NOL4: variants seen among roughly 807,000 people sequenced by gnomAD.
The protein encoded by NOL4 is cancer/testis antigen 125.
Under a neutral mutation model 75.9 loss-of-function variants are expected in NOL4, and 17 were observed. That is an observed-to-expected ratio of 0.22 (90% confidence interval 0.15 to 0.34). NOL4 has a LOEUF of 0.34. Among genes scored for constraint, NOL4 ranks in the 10% least tolerant of loss-of-function variants. NOL4 has a pLI of 1.00. For missense variants in NOL4, 614 were observed against 793.5 expected (o/e 0.77, Z 2.72); for synonymous variants, 292 against 289.9 (o/e 1.01, Z -0.07).
chr18:34,111,145 T>C (rs2079568418), intron 2 of NOL4, among the ~76,000 whole-genome samples: 1 of 152,080 alleles, frequency 6.6e-6, no homozygotes, highest in South Asian at 2.1e-4. Flanking sequence ...TATACAAAAA[T>C]AAACTTAAAA....
chr18:34,059,122 CATATATATATATATAT>C (rs55773398), intron 5 of NOL4, among the ~76,000 whole-genome samples: 14,033 of 118,210 alleles, frequency 0.12, 865 homozygotes, highest in Middle Eastern at 0.16. Flanking sequence ...GATAGATATA[CATATATATATATATAT>C]ATATATATAT....
chr18:33,880,217 C>T (rs2144633490), intron 10 of NOL4, among the ~76,000 whole-genome samples: 1 of 151,766 alleles, frequency 6.6e-6, no homozygotes, highest in East Asian at 1.9e-4. Context: ...TATATATTGA[C>T]CTGCTAATTC....
At chr18:33,943,576 G>A (rs963430804) in intron 8 of NOL4, among the ~76,000 whole-genome samples, 4 of 151,748 alleles carry the variant, frequency 2.6e-5, no homozygotes, top group Admixed American at 2.0e-4. Flanking sequence ...GGCTAAAATA[G>A]AGTTTAAAAA....
intron 10 of NOL4, among the ~76,000 whole-genome samples, chr18:33,862,560 A>C (rs1055402472): frequency 6.6e-6 from 1 of 152,188 alleles, no homozygotes; most frequent in African/African-American, 2.4e-5. Flanking sequence ...CAATGAACTT[A>C]AACAAATTTA....
chr18:33,890,812 A>G (rs1430713823), intron 9 of NOL4, among the ~76,000 whole-genome samples: 1 of 152,058 alleles, frequency 6.6e-6, no homozygotes, highest in Non-Finnish European at 1.5e-5. Context: ...GTAAATAATC[A>G]CATTATTATA....
At chr18:34,000,856 A>G (rs1157899489) in intron 6 of NOL4, among the ~76,000 whole-genome samples, 1 of 152,184 alleles carries the variant, frequency 6.6e-6, no homozygotes, top group Non-Finnish European at 1.5e-5. Flanking sequence ...ACTCAGAAGT[A>G]CTGAATAATG....
intron 9 of NOL4, among the ~76,000 whole-genome samples, chr18:33,935,517 G>A (rs952293693): frequency 2.6e-5 from 4 of 151,986 alleles, no homozygotes; most frequent in African/African-American, 9.7e-5. Flanking sequence ...GGTTCACGGT[G>A]TCCCAAAATA....
chr18:34,054,457 T>G (rs1345556116), intron 5 of NOL4, among the ~76,000 whole-genome samples: 2 of 151,952 alleles, frequency 1.3e-5, no homozygotes, highest in Admixed American at 1.3e-4. Context: ...TTATGTGATA[T>G]TATTATTTGT....
At chr18:34,138,555 T>G (rs1600701426) in intron 1 of NOL4, among the ~76,000 whole-genome samples, 2 of 152,194 alleles carry the variant, frequency 1.3e-5, no homozygotes, top group Admixed American at 6.5e-5. Flanking sequence ...TACAACGTTC[T>G]GAACACACTA....
In NOL4 at chr18:33,883,338, G is replaced by T; in HGVS notation, c.1629C>A (p.Asp543Glu). The T allele has an allele frequency of 6.2e-7, 1 of 1,613,148 alleles. No individual in the cohort carries two copies. Among genetic ancestry groups the T allele is most frequent in the Non-Finnish European group, 8.5e-7 (1 of 1,179,422 alleles). ...TCCCATTTCCATTGATGTACAGCAC[G>T]TCCTGTGAGCCTGGAACAGCTGATG... The part of the protein sequence containing the change: ...YSTSAVPGSQ[D>E]VLYINGNGTY... The change falls in exon 10 of 11, where the codon GAC (aspartate) becomes GAA (glutamate). Residue 543 changes from aspartate (D) to glutamate (E), a missense_variant. Coordinates refer to ENST00000261592, the MANE Select transcript of NOL4 (RefSeq NM_003787.5).
At chr18:34,018,562 T>C (rs1301021491) in intron 6 of NOL4, among the ~76,000 whole-genome samples, 1 of 152,076 alleles carries the variant, frequency 6.6e-6, no homozygotes, top group Non-Finnish European at 1.5e-5. Flanking sequence ...AAAAGGTATA[T>C]TCCATAAAAA....
intron 2 of NOL4, among the ~76,000 whole-genome samples, chr18:34,124,336 T>A (rs2080285921): frequency 6.6e-6 from 1 of 152,210 alleles, no homozygotes; most frequent in South Asian, 2.1e-4. Context: ...CACACAGTAT[T>A]TTTATATTCT....
At chr18:33,984,781 T>C (rs988443656) in intron 6 of NOL4, among the ~76,000 whole-genome samples, 2 of 152,120 alleles carry the variant, frequency 1.3e-5, no homozygotes, top group South Asian at 2.1e-4. Context: ...AGTACAAGAA[T>C]AGACTAATAC....
chr18:34,171,961 A>G (rs2146269858), intron 1 of NOL4, among the ~76,000 whole-genome samples: 1 of 152,244 alleles, frequency 6.6e-6, no homozygotes, highest in African/African-American at 2.4e-5. Flanking sequence ...CAAAACTCCA[A>G]TACAATACCC....
intron 10 of NOL4, among the ~76,000 whole-genome samples, chr18:33,866,718 T>A (rs1888310829): frequency 6.6e-6 from 1 of 152,134 alleles, no homozygotes; most frequent in South Asian, 2.1e-4. Flanking sequence ...ACTCCTAGCA[T>A]GCTTCTGTTT....
intron 1 of NOL4, among the ~76,000 whole-genome samples, chr18:34,219,101 C>A (rs918566922): frequency 6.6e-6 from 1 of 152,082 alleles, no homozygotes; most frequent in Non-Finnish European, 1.5e-5. Context: ...CTACAGATTG[C>A]AGAACTGAAT....
chr18:33,861,060 A>G (rs1219761077), intron 10 of NOL4, among the ~76,000 whole-genome samples: 1 of 152,160 alleles, frequency 6.6e-6, no homozygotes, highest in Non-Finnish European at 1.5e-5. Context: ...GGATTTTTGC[A>G]TCAATGTTCA....
At chr18:33,954,679 T>C (rs183714209) in intron 8 of NOL4, among the ~76,000 whole-genome samples, 247 of 152,162 alleles carry the variant, frequency 1.6e-3, no homozygotes, top group African/African-American at 5.6e-3. Flanking sequence ...GGTTTATTTA[T>C]CCAGGGCAAA....
chr18:34,062,941 C>T (rs1374619642), intron 5 of NOL4, among the ~76,000 whole-genome samples: 11 of 152,008 alleles, frequency 7.2e-5, no homozygotes, highest in Admixed American at 7.2e-4. Flanking sequence ...AAATATAATG[C>T]CATTAATCAT....
Sources: allele counts gnomAD v4.1 joint callset (sites outside exome capture counted in the v4.1 genomes callset), GRCh38; gene constraint gnomAD v4.1.1; transcripts MANE v1.5; gene names NCBI Gene and HGNC (gene_info 2026-07-23, HGNC 2026-07-21).